CAP2: variants seen among roughly 807,000 people sequenced by gnomAD.
CAP2 encodes adenylyl cyclase-associated protein 2.
CAP2 carries 24 observed loss-of-function variants against 57.7 expected under a neutral mutation model. The ratio of observed to expected loss-of-function variants is 0.42; its 90% confidence interval spans 0.30 to 0.58. The LOEUF is 0.58. CAP2 is among the 20% of genes least tolerant of loss of function. The pLI is 0.22. For missense variants in CAP2, 501 were observed against 590.3 expected (o/e 0.85, Z 1.57); for synonymous variants, 194 against 207.2 (o/e 0.94, Z 0.55).
chr6:17,398,849 T>C (rs1177927044), intron 1 of CAP2, among the ~76,000 whole-genome samples: 1 of 152,154 alleles, frequency 6.6e-6, no homozygotes, highest in Admixed American at 6.5e-5. Context: ...TTAAGCATAC[T>C]ATTCAGTGGC....
At chr6:17,486,780 A>G (rs1360036019) in intron 4 of CAP2, among the ~76,000 whole-genome samples, 1 of 152,204 alleles carries the variant, frequency 6.6e-6, no homozygotes. Context: ...CCAAAGGCCA[A>G]CTGAAGTCAC....
At chr6:17,468,862 C>T (rs1235699024) in intron 4 of CAP2, among the ~76,000 whole-genome samples, 1 of 152,168 alleles carries the variant, frequency 6.6e-6, no homozygotes, top group Non-Finnish European at 1.5e-5. Context: ...ATTAATAATC[C>T]AGCCCCAGGA....
chr6:17,474,972 G>A (rs1172976737), intron 4 of CAP2, among the ~76,000 whole-genome samples: 4 of 152,086 alleles, frequency 2.6e-5, no homozygotes, highest in Non-Finnish European at 5.9e-5. Flanking sequence ...CGAGGCGGGC[G>A]GATCACAAGG....
At chr6:17,544,411 T>C (rs1399662004) in intron 11 of CAP2, among the ~76,000 whole-genome samples, 11 of 152,156 alleles carry the variant, frequency 7.2e-5, no homozygotes, top group Admixed American at 7.2e-4. Context: ...AGAAGTAGGG[T>C]TGGAGTTGAA....
chr6:17,425,779 G>C (rs1228654300), intron 2 of CAP2, among the ~76,000 whole-genome samples: 2 of 152,152 alleles, frequency 1.3e-5, no homozygotes, highest in Non-Finnish European at 2.9e-5. Flanking sequence ...GTTTTCCTGA[G>C]CTGTTGAGAA....
At chr6:17,485,218 T>A (rs1761390693) in intron 4 of CAP2, among the ~76,000 whole-genome samples, 1 of 152,192 alleles carries the variant, frequency 6.6e-6, no homozygotes, top group African/African-American at 2.4e-5. Flanking sequence ...GAGGGACCTT[T>A]TAATTAAAGG....
chr6:17,448,607 T>G (rs1760322756), intron 3 of CAP2, among the ~76,000 whole-genome samples: 1 of 152,222 alleles, frequency 6.6e-6, no homozygotes, highest in South Asian at 2.1e-4. Context: ...AATAAATTAT[T>G]TAGAAGAGTT....
chr6:17,509,897 T>A (rs1431196986), intron 6 of CAP2, among the ~76,000 whole-genome samples: 1 of 152,082 alleles, frequency 6.6e-6, no homozygotes, highest in Non-Finnish European at 1.5e-5. Context: ...AAAAAAAGAA[T>A]GAAGTATTGA....
chr6:17,490,552 G>C (rs944957353), intron 4 of CAP2, among the ~76,000 whole-genome samples: 8 of 152,202 alleles, frequency 5.3e-5, no homozygotes, highest in Non-Finnish European at 8.8e-5. Context: ...TTTTAAAATG[G>C]AGTATTGGGT....
chr6:17,429,569 G>C (rs1759676719), intron 3 of CAP2, among the ~76,000 whole-genome samples: 1 of 152,160 alleles, frequency 6.6e-6, no homozygotes, highest in Non-Finnish European at 1.5e-5. Context: ...TTAATATTAA[G>C]TTTTTCATCT....
intron 3 of CAP2, among the ~76,000 whole-genome samples, chr6:17,440,504 T>C (rs1199435737): frequency 1.3e-5 from 2 of 151,538 alleles, no homozygotes; most frequent in African/African-American, 4.9e-5. Context: ...TTTTATTTAC[T>C]ATTACCTTTA....
intron 3 of CAP2, among the ~76,000 whole-genome samples, chr6:17,459,136 T>G (rs956453922): frequency 6.6e-6 from 1 of 152,210 alleles, no homozygotes; most frequent in African/African-American, 2.4e-5. Flanking sequence ...GTCTAGGTTT[T>G]GAATCAGAGA....
At chr6:17,436,499 G>A (rs990222798) in intron 3 of CAP2, among the ~76,000 whole-genome samples, 1 of 152,104 alleles carries the variant, frequency 6.6e-6, no homozygotes, top group Non-Finnish European at 1.5e-5. Flanking sequence ...AGGCAGTCAG[G>A]AAACAAGAAA....
intron 11 of CAP2, among the ~76,000 whole-genome samples, chr6:17,547,816 G>C (rs946364202): frequency 2.0e-5 from 3 of 149,590 alleles, no homozygotes; most frequent in African/African-American, 7.4e-5. Flanking sequence ...ACTTCAGCCT[G>C]GGCAACAGAG....
At chr6:17,554,194 C>T (rs1391443997) in intron 12 of CAP2, among the ~76,000 whole-genome samples, 6 of 152,038 alleles carry the variant, frequency 3.9e-5, no homozygotes, top group Admixed American at 3.3e-4. Flanking sequence ...GCAACCTCGA[C>T]CCCCCGGGCT....
intron 1 of CAP2, among the ~76,000 whole-genome samples, chr6:17,407,069 T>C (rs1758999041): frequency 6.6e-6 from 1 of 152,198 alleles, no homozygotes; most frequent in Non-Finnish European, 1.5e-5. Flanking sequence ...TGAACACAGT[T>C]TGGAGAGAGG....
intron 4 of CAP2, among the ~76,000 whole-genome samples, chr6:17,503,636 A>C (rs1204963882): frequency 6.6e-6 from 1 of 151,110 alleles, no homozygotes; most frequent in Non-Finnish European, 1.5e-5. Context: ...GACACCAGTC[A>C]TATTGGATTG....
chr6:17,453,916 T>G (rs76982549), intron 3 of CAP2, among the ~76,000 whole-genome samples: 1 of 150,152 alleles, frequency 6.7e-6, no homozygotes, highest in Non-Finnish European at 1.5e-5. Flanking sequence ...TTTTTTTTTT[T>G]TTTCCTTGCC....
At chr6:17,554,706 A>G (rs1035254527) in intron 12 of CAP2, among the ~76,000 whole-genome samples, 1 of 152,238 alleles carries the variant, frequency 6.6e-6, no homozygotes, top group Non-Finnish European at 1.5e-5. Flanking sequence ...TGAGGTTTCA[A>G]TGAGCACCGC....
Sources: allele counts gnomAD v4.1 joint callset (sites outside exome capture counted in the v4.1 genomes callset), GRCh38; gene constraint gnomAD v4.1.1; transcripts MANE v1.5; gene names NCBI Gene and HGNC (gene_info 2026-07-23, HGNC 2026-07-21).